RYR1: variants seen among roughly 807,000 people sequenced by gnomAD.
RYR1 encodes the protein ryanodine receptor 1.
A neutral mutation model predicts 583.5 loss-of-function variants in RYR1; 342 were observed. The ratio of observed to expected loss-of-function variants is 0.59; its 90% CI spans 0.54 to 0.64. The LOEUF (loss-of-function observed/expected upper bound fraction) is 0.64. Among genes scored for constraint, RYR1 ranks in the 30% least tolerant of loss-of-function variants. RYR1 has a pLI of 0.00. For missense variants in RYR1, 6,032 were observed against 6,917.2 expected (o/e 0.87, Z 4.54); for synonymous variants, 2,791 against 2,822.5 (o/e 0.99, Z 0.35).
At chr19:38,497,667 A>G (rs1223438625) in intron 42 of RYR1, among the ~76,000 whole-genome samples, 2 of 152,234 alleles carry the variant, frequency 1.3e-5, no homozygotes, top group Non-Finnish European at 2.9e-5. Context: ...AGCAGTAGCA[A>G]TATGACAGTC....
At chr19:38,505,203 T>G (rs966044317) in intron 52 of RYR1, 106 bp from the exon 53 acceptor site, 12 of 1,172,498 alleles carry the variant, frequency 1.0e-5, no homozygotes, top group Non-Finnish European at 1.5e-5. Context: ...GACCCTTAGC[T>G]TGTTCTGGGA....
intron 1 of RYR1, among the ~76,000 whole-genome samples, chr19:38,439,361 G>T (rs747060394): frequency 6.6e-6 from 1 of 152,106 alleles, no homozygotes; most frequent in Non-Finnish European, 1.5e-5. Flanking sequence ...CACCATGCCC[G>T]GGTAATTTTG....
At chr19:38,502,998 A>C in intron 49 of RYR1, 28 bp downstream of exon 49, 38 of 1,599,416 alleles carry the variant, frequency 2.4e-5, no homozygotes, top group Non-Finnish European at 3.0e-5. Flanking sequence ...TTAGCATCTC[A>C]TTTCCAGGCC....
intron 31 of RYR1, 141 bp from the exon 32 acceptor site, chr19:38,482,886 T>C: frequency 1.3e-6 from 1 of 756,332 alleles, no homozygotes; most frequent in Non-Finnish European, 2.4e-6. Context: ...GGTGGGACAG[T>C]CTAAGGGTGA....
chr19:38,517,090 G>A (rs1056894093), intron 65 of RYR1, among the ~76,000 whole-genome samples: 1 of 152,098 alleles, frequency 6.6e-6, no homozygotes, highest in Non-Finnish European at 1.5e-5. Flanking sequence ...CTTGGGATGT[G>A]GGAGATTTTA....
intron 1 of RYR1, among the ~76,000 whole-genome samples, chr19:38,434,225 C>T (rs1972324742): frequency 6.6e-6 from 1 of 152,004 alleles, no homozygotes; most frequent in Non-Finnish European, 1.5e-5. Flanking sequence ...CTTGATTTAG[C>T]CATCCCCCCA....
At chr19:38,482,925 C>T in intron 31 of RYR1, 102 bp from the exon 32 acceptor site, 1 of 1,019,620 alleles carries the variant, frequency 9.8e-7, no homozygotes, top group Admixed American at 1.7e-5. Flanking sequence ...GCCTCTAACG[C>T]CCAGATGAGG....
At chr19:38,476,009 C>CATAG (rs1001800583) in intron 29 of RYR1, among the ~76,000 whole-genome samples, 3 of 149,270 alleles carry the variant, frequency 2.0e-5, no homozygotes, top group Non-Finnish European at 2.9e-5. Context: ...GATCATCAGG[C>CATAG]ATAGATTCCT....
At chr19:38,458,651 G>T (rs1323169548) in intron 18 of RYR1, among the ~76,000 whole-genome samples, 1 of 151,996 alleles carries the variant, frequency 6.6e-6, no homozygotes, top group Non-Finnish European at 1.5e-5. Context: ...TTGAAATGGA[G>T]TCTCACTCTG....
rs777733662 is a variant in RYR1, at chr19:38,489,267, G to A, written c.5638G>A (p.Glu1880Lys). 5.7e-5 allele frequency: 92 copies of A among 1,610,034 alleles called. No homozygotes were observed. Among genetic ancestry groups the A allele is most frequent in the South Asian group, 2.2e-4 (20 of 91,002 alleles). Reference protein sequence around the residue: ...VFTEEEEEEDEEEEGEEEDEE... With the variant: ...VFTEEEEEEDKEEEGEEEDEE... ...CACTGAGGAAGAAGAGGAGGAGGAC[G>A]AGGAGGAAGAGGGTGAAGAGGAAGA... The change falls in exon 35 of 106, where the codon GAG (glutamate) becomes AAG (lysine). Residue 1880 changes from glutamate to lysine, a missense_variant. Physicochemically the swap from Glu to Lys is moderately conservative, Grantham distance 56. This residue lies in a region of RYR1 where 2,627 missense variants were observed against 2,961.3 expected (regional missense o/e 0.89). Coordinates refer to ENST00000359596, the MANE Select transcript of RYR1 (RefSeq NM_000540.3).
At chr19:38,484,946 G>A in intron 33 of RYR1, among the ~76,000 whole-genome samples, 1 of 152,038 alleles carries the variant, frequency 6.6e-6, no homozygotes, top group East Asian at 1.9e-4. Flanking sequence ...ACTCTAGCCT[G>A]GGCAACAGAG....
At chr19:38,585,208 C>CACAGTA in intron 102 of RYR1, 109 bp downstream of exon 102, 2 of 1,352,172 alleles carry the variant, frequency 1.5e-6, no homozygotes, top group Non-Finnish European at 2.1e-6. Flanking sequence ...CTCTACCTCT[C>CACAGTA]GCTACTGTGA....
intron 102 of RYR1, 100 bp from the exon 103 acceptor site, chr19:38,585,838 A>C: frequency 7.2e-7 from 1 of 1,381,308 alleles, no homozygotes; most frequent in Non-Finnish European, 1.0e-6. Context: ...AGATTAGGGA[A>C]ATGGGGGATG....
chr19:38,519,349 C>A lies in RYR1; in HGVS notation c.10154C>A (p.Ala3385Glu). ...GAGCAGCTGCGCCTGGAGGCCAAGG[C>A]GGAGGCCCAGGAGGGCGAGCTGCTG... ...EEEQLRLEAK[A>E]EAQEGELLVR... Residue 3385 changes from alanine to glutamate, a missense_variant, in exon 67 of 106, where the codon GCG becomes GAG. Coordinates refer to ENST00000359596, the MANE Select transcript of RYR1 (RefSeq NM_000540.3). 6.2e-7 allele frequency: 1 copy of A among 1,612,304 alleles called. No individual in the cohort carries two copies. The highest frequency in any genetic ancestry group is 8.5e-7 in the Non-Finnish European group (1 of 1,179,256).
chr19:38,573,077 G>A, intron 95 of RYR1, 100 bp from the exon 96 acceptor site: 11 of 1,576,146 alleles, frequency 7.0e-6, no homozygotes, highest in Non-Finnish European at 8.7e-6. Flanking sequence ...TTCTGATGTG[G>A]GGTCACACAC....
chr19:38,501,870 C>T (rs1343012257), intron 47 of RYR1, among the ~76,000 whole-genome samples: 1 of 152,140 alleles, frequency 6.6e-6, no homozygotes, highest in Non-Finnish European at 1.5e-5. Context: ...CCTGTAGTCC[C>T]CTCTACTAGA....
intron 42 of RYR1, among the ~76,000 whole-genome samples, chr19:38,497,980 A>AT (rs1358420100): frequency 1.3e-5 from 2 of 152,054 alleles, no homozygotes; most frequent in Admixed American, 1.3e-4. Context: ...TAAAAAAAAA[A>AT]GTGGCCAGAG....
chr19:38,466,649 G>T (rs1251664740), intron 24 of RYR1, among the ~76,000 whole-genome samples: 1 of 151,958 alleles, frequency 6.6e-6, no homozygotes, highest in African/African-American at 2.4e-5. Context: ...TTACCGGCGG[G>T]TGCCACCACG....
chr19:38,586,520 C>T lies in RYR1; in HGVS notation c.14970-5C>T. 3 of 1,613,922 alleles carry T rather than the reference C, an allele frequency of 1.9e-6. No homozygotes were observed. Among genetic ancestry groups the T allele is most frequent in the East Asian group, 2.2e-5 (1 of 44,888 alleles). ...ACTTGTCTCCTGTGGTCCTCTCACCCTCAGGTTTTTCCTGATGTATTTGAT... is the reference window on the plus strand; with the variant it reads ...ACTTGTCTCCTGTGGTCCTCTCACCTTCAGGTTTTTCCTGATGTATTTGAT... On this transcript the variant is annotated splice_region_variant and splice_polypyrimidine_tract_variant and intron_variant, in intron 104 of 105. Coordinates refer to ENST00000359596, the MANE Select transcript of RYR1 (RefSeq NM_000540.3).
Sources: allele counts gnomAD v4.1 joint callset (sites outside exome capture counted in the v4.1 genomes callset), GRCh38; gene constraint gnomAD v4.1.1; regional missense constraint gnomAD v4.1.1; transcripts MANE v1.5; gene names NCBI Gene and HGNC (gene_info 2026-07-23, HGNC 2026-07-21).